The following RNF212B variants were observed in gnomAD, a reference collection of about 807,000 sequenced individuals.
The protein encoded by RNF212B is E3 ubiquitin-protein ligase RNF212B.
Under a neutral mutation model 55.5 loss-of-function variants are expected in RNF212B, and 52 were observed. The ratio of observed to expected loss-of-function variants is 0.94; its 90% CI spans 0.75 to 1.18. RNF212B has a LOEUF of 1.18. RNF212B is among the 50% of genes most tolerant of loss of function. RNF212B has a pLI of 0.00. For synonymous variants in RNF212B, 99 were observed against 121.4 expected (o/e 0.82, Z 1.21); for missense variants, 289 against 350.4 (o/e 0.82, Z 1.40).
At chr14:23,199,147 G>C (rs1026389445) in intron 2 of RNF212B, among the ~76,000 whole-genome samples, 4 of 152,176 alleles carry the variant, frequency 2.6e-5, no homozygotes, top group African/African-American at 9.6e-5. Flanking sequence ...GGGGACATGT[G>C]TCCGTGACAG....
At chr14:23,246,999 G>T (rs58028274) in intron 4 of RNF212B, among the ~76,000 whole-genome samples, 2 of 152,084 alleles carry the variant, frequency 1.3e-5, no homozygotes, top group East Asian at 1.9e-4. Flanking sequence ...AATTAGCCAG[G>T]TGTGGTGGCA....
chr14:23,207,436 T>C (rs976078663), intron 2 of RNF212B, among the ~76,000 whole-genome samples: 4 of 152,234 alleles, frequency 2.6e-5, no homozygotes, highest in Admixed American at 6.5e-5. Context: ...AAAACTTGCC[T>C]TCCTGTTGGA....
chr14:23,259,831 C>T, intron 5 of RNF212B, 53 bp from the exon 6 acceptor site: 1 of 942,402 alleles, frequency 1.1e-6, no homozygotes, highest in Non-Finnish European at 1.6e-6. Context: ...AATAAAAAAT[C>T]AGGTTTTTAA....
chr14:23,226,190 C>T (rs1881988451), intron 2 of RNF212B, among the ~76,000 whole-genome samples: 1 of 147,554 alleles, frequency 6.8e-6, no homozygotes, highest in Admixed American at 6.9e-5. Context: ...CCCAGTTACT[C>T]GGGAGGCTGA....
At chr14:23,232,787 G>T (rs530020452) in intron 2 of RNF212B, among the ~76,000 whole-genome samples, 2 of 147,620 alleles carry the variant, frequency 1.4e-5, no homozygotes, top group South Asian at 2.2e-4. Flanking sequence ...AGGGAGGTGG[G>T]GGGGGGGTCA....
intron 2 of RNF212B, among the ~76,000 whole-genome samples, chr14:23,230,677 A>C (rs1054009809): frequency 9.4e-5 from 14 of 148,232 alleles, no homozygotes; most frequent in Non-Finnish European, 1.5e-4. Context: ...AAAAAAAAAA[A>C]AAAAAACCAT....
chr14:23,198,624 C>T (rs535473213), intron 2 of RNF212B, among the ~76,000 whole-genome samples: 60 of 151,574 alleles, frequency 4.0e-4, no homozygotes, highest in African/African-American at 1.3e-3. Context: ...TGCAGTGAGC[C>T]GAGATCGCGC....
intron 1 of RNF212B, among the ~76,000 whole-genome samples, chr14:23,239,044 G>A (rs1883360318): frequency 6.6e-6 from 1 of 152,090 alleles, no homozygotes; most frequent in African/African-American, 2.4e-5. Context: ...ATTTTTCAAA[G>A]TCCATATCAG....
intron 4 of RNF212B, among the ~76,000 whole-genome samples, chr14:23,255,181 C>T (rs1884745072): frequency 6.6e-6 from 1 of 152,204 alleles, no homozygotes; most frequent in South Asian, 2.1e-4. Context: ...TCTGTTTCTG[C>T]TTTCTTCAGC....
rs186044941 is a variant in RNF212B, at chr14:23,215,978, G to A, written c.-2+22577G>A. Among the ~76,000 whole-genome samples the A allele has an allele frequency of 1.6e-4, 24 of 152,334 alleles. No homozygotes were observed. The East Asian group carries it at 3.9e-3, about 24-fold the overall frequency. On this transcript the variant is annotated intron_variant, in intron 2 of 15. Coordinates refer to the RNF212B transcript ENST00000399910. ...ATTAAAACATTTGCCGGGTGTGGTGGCTCATGCCTGTAATCCCAGCACTTT... is the reference window on the plus strand; with the variant it reads ...ATTAAAACATTTGCCGGGTGTGGTGACTCATGCCTGTAATCCCAGCACTTT...
chr14:23,201,895 A>C (rs778889099), intron 2 of RNF212B, among the ~76,000 whole-genome samples: 47 of 152,182 alleles, frequency 3.1e-4, no homozygotes, highest in Admixed American at 1.3e-4. Flanking sequence ...CAATCTATAA[A>C]GTTTATTCTT....
chr14:23,227,449 G>C (rs1882134842), intron 2 of RNF212B, among the ~76,000 whole-genome samples: 1 of 152,202 alleles, frequency 6.6e-6, no homozygotes, highest in African/African-American at 2.4e-5. Context: ...GATCAGGGTG[G>C]CTGATTACAT....
At chr14:23,186,287 G>A (rs1052217202) in intron 1 of RNF212B, among the ~76,000 whole-genome samples, 3 of 151,922 alleles carry the variant, frequency 2.0e-5, no homozygotes, top group Admixed American at 6.6e-5. Context: ...AAGCCTTGGT[G>A]TAATATGTTG....
intron 2 of RNF212B, among the ~76,000 whole-genome samples, chr14:23,206,004 C>T (rs759714149): frequency 2.0e-5 from 3 of 152,178 alleles, no homozygotes; most frequent in South Asian, 2.1e-4. Context: ...TCTAATAGTA[C>T]TTTACCAGTA....
At chr14:23,243,694 CAAAAAAAAAAA>C (rs761227119) in intron 3 of RNF212B, among the ~76,000 whole-genome samples, 3 of 32,532 alleles carry the variant, frequency 9.2e-5, no homozygotes, top group African/African-American at 3.3e-4. Flanking sequence ...GACTCTGTCT[CAAAAAAAAAAA>C]AAAAAAAAAA....
At chr14:23,229,261 T>TATATATATATATATACAC (rs558232357) in intron 2 of RNF212B, among the ~76,000 whole-genome samples, 6 of 127,182 alleles carry the variant, frequency 4.7e-5, no homozygotes, top group Non-Finnish European at 8.3e-5. Flanking sequence ...TATATATATA[T>TATATATATATATATACAC]ACCACATTGT....
intron 2 of RNF212B, among the ~76,000 whole-genome samples, chr14:23,216,232 C>A (rs1478426555): frequency 6.6e-6 from 1 of 151,934 alleles, no homozygotes; most frequent in African/African-American, 2.4e-5. Context: ...GGTGACAGAG[C>A]GAGACTCCAT....
upstream of RNF212B, among the ~76,000 whole-genome samples, chr14:23,236,629 TAATA>T (rs1369561117): frequency 1.3e-5 from 2 of 152,152 alleles, no homozygotes; most frequent in East Asian, 1.9e-4. Context: ...AAATTTCAAA[TAATA>T]AATATTTTAA....
rs183115332 is a variant in RNF212B, at chr14:23,220,712, C to A, written c.-1-19633C>A. 1.8e-3 allele frequency among the ~76,000 whole-genome samples: 270 copies of A among 151,810 alleles called. 1 individual carries two copies. Among genetic ancestry groups the A allele is most frequent in the African/African-American group, 5.9e-3 (244 of 41,370 alleles). ...TGGTGGCGGGCACCTGTAGTCCCAG[C>A]TACTCAGGAGGCTGAGGCAGGAGAA... is the stretch of plus-strand genomic sequence containing the variant. On this transcript the variant is annotated intron_variant, in intron 2 of 15. Transcript: ENST00000399910.
Sources: allele counts gnomAD v4.1 joint callset (sites outside exome capture counted in the v4.1 genomes callset), GRCh38; gene constraint gnomAD v4.1.1; transcripts MANE v1.5; gene names NCBI Gene and HGNC (gene_info 2026-07-23, HGNC 2026-07-21).